MTX3: variants seen among roughly 807,000 people sequenced by gnomAD.
The protein encoded by MTX3 is metaxin 3.
Under a neutral mutation model 42.5 loss-of-function variants are expected in MTX3, and 27 were observed. The observed-to-expected ratio is 0.64, with a 90% CI of 0.47 to 0.88. MTX3 has a LOEUF of 0.88. MTX3 is among the 40% of genes least tolerant of loss of function. The pLI, the probability that MTX3 is intolerant of heterozygous loss-of-function variation, is 0.00. For missense variants in MTX3, 378 were observed against 367.0 expected (o/e 1.03, Z -0.25); for synonymous variants, 144 against 132.9 (o/e 1.08, Z -0.57).
chr5:79,988,068 C>T (rs1338352994), intron 6 of MTX3, among the ~76,000 whole-genome samples, 171 bp downstream of exon 6: 1 of 152,124 alleles, frequency 6.6e-6, no homozygotes, highest in East Asian at 1.9e-4. Context: ...CTGCCCAACT[C>T]GGCCTCCCAA....
intron 6 of MTX3, 45 bp from the exon 7 acceptor site, chr5:79,987,152 ACTGAAGGCCGGGTGTGGTGGCTCATG>A: frequency 6.3e-7 from 1 of 1,580,182 alleles, no homozygotes; most frequent in Non-Finnish European, 8.7e-7. Flanking sequence ...GACAATATTA[ACTGAAGGCCGGGTGTGGTGGCTCATG>A]CCTGTAATCC....
Position 79,977,738 on chromosome 5 carries a change from T to C in MTX3, c.*5946A>G, listed in dbSNP as rs1172837451. 2.0e-5 allele frequency: 3 copies of C among 152,258 alleles called. No individual in the cohort carries two copies. Among genetic ancestry groups the C allele is most frequent in the Admixed American group, 2.0e-4 (3 of 15,292 alleles). 9.4% of individuals were successfully genotyped at this position (152,258 alleles called of 1,614,324 possible). On this transcript the variant is annotated 3_prime_UTR_variant, in exon 9 of 9. Coordinates refer to ENST00000512528, the MANE Select transcript of MTX3 (RefSeq NM_001363818.2). ...AGAATTTAGTGAAAACTATGAACCG[T>C]AGACTGTCTTCGGTAATGAACAAAA...
chr5:79,983,483 C>T lies in MTX3; in HGVS notation c.*201G>A. On this transcript the variant is annotated 3_prime_UTR_variant, in exon 9 of 9. Coordinates refer to ENST00000512528, the MANE Select transcript of MTX3 (RefSeq NM_001363818.2). ...CCCCCAACCAAGTTCATTTAGCATTCTCTTTGTTATTAAAAATGCAGTGCC... is the reference window on the plus strand; with the variant it reads ...CCCCCAACCAAGTTCATTTAGCATTTTCTTTGTTATTAAAAATGCAGTGCC... 1 of 398,692 alleles carries T rather than the reference C, an allele frequency of 2.5e-6. No homozygotes were observed. Among genetic ancestry groups the T allele is most frequent in the South Asian group, 2.9e-5 (1 of 34,988 alleles). 24.7% of individuals were successfully genotyped at this position (398,692 alleles called of 1,614,324 possible).
intron 1 of MTX3, 41 bp from the exon 2 acceptor site, chr5:79,990,704 G>A: frequency 5.5e-6 from 8 of 1,443,172 alleles, no homozygotes; most frequent in Non-Finnish European, 7.8e-6. Flanking sequence ...GACCAAGTGC[G>A]TAATGCAAAG....
chr5:79,986,003 A>G (rs991652169), intron 7 of MTX3, among the ~76,000 whole-genome samples: 3 of 148,904 alleles, frequency 2.0e-5, no homozygotes, highest in African/African-American at 7.4e-5. Context: ...TCTCACACCC[A>G]TTTCAAATAG....
Position 79,983,812 on chromosome 5 carries a change from G to C in MTX3, c.829-18C>G. The C allele has an allele frequency of 6.4e-7, 1 of 1,551,772 alleles. No homozygotes were observed. Among genetic ancestry groups the C allele is most frequent in the South Asian group, 1.1e-5 (1 of 88,968 alleles). On this transcript the variant is annotated intron_variant, in intron 8 of 8. Coordinates refer to ENST00000512528, the MANE Select transcript of MTX3 (RefSeq NM_001363818.2). ...TCATCCATCTGTAGAAAGTACAAAA[G>C]ATACATCTGACTAATGCTGTGGCAC...
In MTX3 at chr5:79,990,164, T is replaced by C; in HGVS notation, c.224A>G (p.Lys75Arg). Reference sequence around the variant, plus strand: ...TCTTCAAAGTGAACCACCCACCTGTTTTCTTAAAAAGTTTAGTATTTTTGC... The same window carrying C: ...TCTTCAAAGTGAACCACCCACCTGTCTTCTTAAAAAGTTTAGTATTTTTGC... Reference protein sequence around the residue: ...QPAKILNFLRKQKYNADYELS... With the variant: ...QPAKILNFLRRQKYNADYELS... Residue 75 changes from lysine (K) to arginine (R), a missense_variant, in exon 3 of 9, where the codon AAA becomes AGA. Physicochemically the swap from Lys to Arg is conservative, Grantham distance 26 (BLOSUM62 2). Transcript: ENST00000512528. 1 of 1,605,696 alleles carries C rather than the reference T, an allele frequency of 6.2e-7. No individual in the cohort carries two copies. The highest frequency in any genetic ancestry group is 2.2e-5 in the East Asian group (1 of 44,598).
rs575895676 is a variant in MTX3 at position 79,978,874 on chromosome 5, A to G, written c.*4810T>C. On this transcript the variant is annotated 3_prime_UTR_variant, in exon 9 of 9. Coordinates refer to ENST00000512528, the MANE Select transcript of MTX3 (RefSeq NM_001363818.2). ...ATTATAGCATAATTTCAAATGATTA[A>G]TAAGGATACAAAGAGACTTATTTTC... The G allele has an allele frequency of 2.0e-5, 3 of 152,782 alleles. No individual in the cohort carries two copies. Among genetic ancestry groups the G allele is most frequent in the African/African-American group, 7.2e-5 (3 of 41,592 alleles). The allele number at this position is 152,782 out of a possible 1,614,324, so 9.5% of individuals were successfully genotyped here.
chr5:79,987,207 A>G lies in MTX3; in HGVS notation c.582-100T>C, dbSNP rs1349457784. ...GTAATCCCAGTACTTTGGGAGATCA[A>G]GCGGGGGCAGATCACTTGAGGTCAG... On this transcript the variant is annotated intron_variant, in intron 6 of 8. Transcript: ENST00000512528. 16 of 1,009,134 alleles carry G rather than the reference A, an allele frequency of 1.6e-5. No individual in the cohort carries two copies. In the Admixed American group the frequency reaches 3.7e-4, roughly 23 times the overall value. 62.5% of individuals were successfully genotyped at this position (1,009,134 alleles called of 1,614,324 possible). A position where few individuals can be genotyped will look rare whatever the true frequency, so the allele number is the denominator to read the frequency against.
intron 7 of MTX3, among the ~76,000 whole-genome samples, chr5:79,986,318 C>G (rs1831488818): frequency 6.6e-6 from 1 of 152,188 alleles, no homozygotes; most frequent in South Asian, 2.1e-4. Context: ...AACTGTCCAC[C>G]TAAGCCAGCT....
chr5:79,984,150 C>G (rs993443005), intron 8 of MTX3, among the ~76,000 whole-genome samples: 2 of 152,132 alleles, frequency 1.3e-5, no homozygotes, highest in Non-Finnish European at 2.9e-5. Context: ...ACTATGTTCA[C>G]GTACAGTATC....
In MTX3 at chr5:79,990,243, T is replaced by C; in HGVS notation, c.152-7A>G. 1 of 1,596,788 alleles carries C rather than the reference T, an allele frequency of 6.3e-7. No individual in the cohort carries two copies. Among genetic ancestry groups the C allele is most frequent in the East Asian group, 2.2e-5 (1 of 44,558 alleles). ...GTCAAAATTGGTACATCGCCTATAA[T>C]CAAAAAACAGTTTACATACAAGGAC... On this transcript the variant is annotated splice_polypyrimidine_tract_variant and splice_region_variant and intron_variant, in intron 2 of 8. Coordinates refer to ENST00000512528, the MANE Select transcript of MTX3 (RefSeq NM_001363818.2).
chr5:79,980,431 C>T lies in MTX3; in HGVS notation c.*3253G>A, dbSNP rs1378361748. 1 of 152,066 alleles carries T rather than the reference C, an allele frequency of 6.6e-6. No individual in the cohort carries two copies. The highest frequency in any genetic ancestry group is 2.4e-5 in the African/African-American group (1 of 41,414). The allele number at this position is 152,066 out of a possible 1,614,324, so 9.4% of individuals were successfully genotyped here. ...CTTGCTTTTATAAAATCTCCAGTCT[C>T]GCAGCACCCCCAATATAATACAAAC... On this transcript the variant is annotated 3_prime_UTR_variant, in exon 9 of 9. Transcript: ENST00000512528.
chr5:79,986,634 G>A (rs993028654), intron 7 of MTX3: 1 of 454,496 alleles, frequency 2.2e-6, no homozygotes, highest in Non-Finnish European at 4.2e-6. Flanking sequence ...CTGTTTTTCA[G>A]CAAAGACTTA....
Position 79,989,204 on chromosome 5 carries a change from G to A in MTX3, c.269C>T (p.Ala90Val). The A allele has an allele frequency of 6.2e-7, 1 of 1,608,374 alleles. No homozygotes were observed. Among genetic ancestry groups the A allele is most frequent in the Non-Finnish European group, 8.5e-7 (1 of 1,177,216 alleles). ...ADYELSAKQG[A>V]DTLAYIALLE... is the part of the protein sequence containing the mutation. ...GAGAGCAATATAAGCCAATGTATCT[G>A]CCCCTTGTTTTGCTGAGAGTTCATA... The change falls in exon 4 of 9, where the codon GCA (alanine) becomes GTA (valine). Residue 90 changes from alanine to valine, a missense_variant. Transcript: ENST00000512528.
intron 4 of MTX3, 149 bp downstream of exon 4, chr5:79,989,001 CAG>C: frequency 1.7e-6 from 1 of 576,622 alleles, no homozygotes; most frequent in Non-Finnish European, 3.0e-6. Flanking sequence ...GAATGCCTAA[CAG>C]AATCCAGTTT....
intron 8 of MTX3, among the ~76,000 whole-genome samples, chr5:79,984,317 A>C (rs1831441094): frequency 6.6e-6 from 1 of 152,220 alleles, no homozygotes; most frequent in Non-Finnish European, 1.5e-5. Flanking sequence ...TCTGATTCCA[A>C]AACTATTATT....
intron 7 of MTX3, among the ~76,000 whole-genome samples, chr5:79,986,428 G>A (rs1453712895): frequency 2.0e-5 from 3 of 152,152 alleles, no homozygotes; most frequent in Non-Finnish European, 2.9e-5. Context: ...CTCTCTCAAT[G>A]AAGCACATCC....
intron 8 of MTX3, 142 bp downstream of exon 8, chr5:79,985,429 A>G (rs1831468072): frequency 1.6e-6 from 1 of 645,026 alleles, no homozygotes. Context: ...AACTTTAGTG[A>G]AAGTATATTT....
Sources: gnomAD v4.1 joint callset for allele counts (sites outside exome capture counted in the v4.1 genomes callset) on GRCh38, gnomAD v4.1.1 for gene constraint, MANE v1.5 for transcripts, NCBI Gene and HGNC (gene_info 2026-07-23, HGNC 2026-07-21) for gene names.